Variants in TBC1D30 observed in about 807,000 individuals in gnomAD.
The protein encoded by TBC1D30 is TBC1 domain family member 30.
Under a neutral mutation model 63.2 loss-of-function variants are expected in TBC1D30, and 31 were observed. The ratio of observed to expected loss-of-function variants is 0.49; its 90% CI spans 0.37 to 0.66. The LOEUF (loss-of-function observed/expected upper bound fraction) is 0.66. Ranked by LOEUF, TBC1D30 falls within the 30% of genes least tolerant of loss-of-function variation. The pLI is 0.00. For missense variants in TBC1D30, 810 were observed against 953.6 expected (o/e 0.85, Z 1.98); for synonymous variants, 307 against 361.5 (o/e 0.85, Z 1.71).
At chr12:64,824,519 G>C (rs1036318827), upstream of TBC1D30, 2 of 219,904 alleles carry the variant, frequency 9.1e-6, no homozygotes, top group Non-Finnish European at 1.8e-5. Flanking sequence ...CTGGGCACGG[G>C]GGAGCTGGGG....
intron 1 of TBC1D30, among the ~76,000 whole-genome samples, chr12:64,770,883 T>G (rs1870884136): frequency 1.3e-5 from 2 of 151,600 alleles, no homozygotes; most frequent in South Asian, 4.2e-4. Flanking sequence ...TTTTTTTTTT[T>G]TTTGTATTTT....
chr12:64,764,209 G>A (rs903534426), intron 1 of TBC1D30, among the ~76,000 whole-genome samples: 1 of 152,118 alleles, frequency 6.6e-6, no homozygotes, highest in Non-Finnish European at 1.5e-5. Flanking sequence ...GTTTGGTTAT[G>A]TGTTTGACTT....
intron 4 of TBC1D30, among the ~76,000 whole-genome samples, 187 bp downstream of exon 4, chr12:64,830,689 T>A (rs1874777291): frequency 6.6e-6 from 1 of 152,218 alleles, no homozygotes; most frequent in Non-Finnish European, 1.5e-5. Flanking sequence ...TAAATTTAAA[T>A]GTTACCGGTA....
At position 64,830,363 on chromosome 12, in the gene TBC1D30, A is replaced by G. The variant is rs761457483; in HGVS notation, c.283-14A>G. 6.7e-5 allele frequency: 101 copies of G among 1,516,016 alleles called. No individual in the cohort carries two copies. The highest frequency in any genetic ancestry group is 8.3e-5 in the Non-Finnish European group (94 of 1,131,716). The allele number at this position is 1,516,016 out of a possible 1,614,324, so 93.9% of individuals were successfully genotyped here. ...TCTACTTTGGCATTCTCCTTTGTCT[A>G]TGTAATATTTTAGGTTTGGTTGACC... On this transcript the variant is annotated splice_polypyrimidine_tract_variant and intron_variant, in intron 3 of 11. Transcript: ENST00000539867.
intron 1 of TBC1D30, among the ~76,000 whole-genome samples, chr12:64,773,428 C>T (rs944074465): frequency 6.6e-6 from 1 of 151,538 alleles, no homozygotes; most frequent in East Asian, 1.9e-4. Context: ...TTGAAGAGCC[C>T]AAGCCAACTG....
At chr12:64,856,918 T>G (rs1312059864) in intron 8 of TBC1D30, among the ~76,000 whole-genome samples, 2 of 152,036 alleles carry the variant, frequency 1.3e-5, no homozygotes, top group African/African-American at 2.4e-5. Context: ...TACCAATGTT[T>G]GCTTAAAGCC....
intron 8 of TBC1D30, among the ~76,000 whole-genome samples, chr12:64,856,092 C>A (rs1417123608): frequency 6.8e-6 from 1 of 146,534 alleles, no homozygotes; most frequent in Admixed American, 7.0e-5. Flanking sequence ...GCCCAGGGAG[C>A]TTTTAATCAT....
intron 1 of TBC1D30, among the ~76,000 whole-genome samples, chr12:64,783,125 T>A (rs1291739553): frequency 1.3e-5 from 2 of 152,214 alleles, no homozygotes; most frequent in Non-Finnish European, 2.9e-5. Context: ...TATTGTCTCC[T>A]CTCCCTGCCA....
chr12:64,840,004 CAAAAAAAAAAA>C, intron 7 of TBC1D30, among the ~76,000 whole-genome samples: 1 of 98,346 alleles, frequency 1.0e-5, no homozygotes, highest in East Asian at 2.7e-4. Context: ...GACTCTGTCT[CAAAAAAAAAAA>C]AAAAAAAAAA....
intron 8 of TBC1D30, among the ~76,000 whole-genome samples, chr12:64,863,415 A>G (rs1196181881): frequency 6.6e-6 from 1 of 152,186 alleles, no homozygotes; most frequent in Non-Finnish European, 1.5e-5. Flanking sequence ...GGCACAGTTT[A>G]TTGTTAGTAA....
At chr12:64,767,444 A>G (rs1435032276) in intron 1 of TBC1D30, among the ~76,000 whole-genome samples, 2 of 152,172 alleles carry the variant, frequency 1.3e-5, no homozygotes, top group African/African-American at 4.8e-5. Flanking sequence ...TTTGCTAGAC[A>G]AAATCAATAT....
intron 8 of TBC1D30, among the ~76,000 whole-genome samples, chr12:64,845,756 T>G (rs1337420938): frequency 2.7e-5 from 4 of 149,848 alleles, no homozygotes; most frequent in Admixed American, 6.6e-5. Flanking sequence ...CGCTCCTGGG[T>G]TCAAGCGATT....
chr12:64,832,053 A>G (rs1450047945), intron 4 of TBC1D30, 66 bp from the exon 5 acceptor site: 3 of 1,387,354 alleles, frequency 2.2e-6, no homozygotes, highest in East Asian at 5.1e-5. Flanking sequence ...AGTCAAAAAA[A>G]AAAGGTATTG....
chr12:64,786,642 A>G (rs1337252803), intron 2 of TBC1D30, among the ~76,000 whole-genome samples: 1 of 151,986 alleles, frequency 6.6e-6, no homozygotes, highest in Non-Finnish European at 1.5e-5. Flanking sequence ...CGCCTGGACA[A>G]ATTTTTATTT....
At position 64,795,936 on chromosome 12, in the gene TBC1D30, C is replaced by T. The variant is rs116178330; in HGVS notation, c.643+9891C>T. ...AGATTTGCCTTAAATTTGGAATTTG[C>T]CTGCAAAATTGTGAATTTAATTACA... On this transcript the variant is annotated intron_variant, in intron 2 of 12. Coordinates refer to the TBC1D30 transcript ENST00000542120. 4.5e-3 allele frequency among the ~76,000 whole-genome samples: 685 copies of T among 151,580 alleles called. 9 individuals carry two copies. The highest frequency in any genetic ancestry group is 0.015 in the African/African-American group (635 of 41,304).
chr12:64,829,027 G>T (rs1874610301), intron 3 of TBC1D30, among the ~76,000 whole-genome samples: 1 of 151,952 alleles, frequency 6.6e-6, no homozygotes, highest in Admixed American at 6.6e-5. Context: ...GGGTGGGGCG[G>T]GGCTGGGGCA....
At chr12:64,814,390 C>G (rs1479432920) in intron 2 of TBC1D30, among the ~76,000 whole-genome samples, 1 of 151,934 alleles carries the variant, frequency 6.6e-6, no homozygotes, top group Non-Finnish European at 1.5e-5. Flanking sequence ...GGATCCCAAT[C>G]TGATATTCTT....
chr12:64,780,294 T>A (rs758150966), upstream of TBC1D30, among the ~76,000 whole-genome samples: 2 of 152,200 alleles, frequency 1.3e-5, no homozygotes, highest in Non-Finnish European at 2.9e-5. Context: ...AGGGCTGGTA[T>A]TGTGTTCCGA....
intron 2 of TBC1D30, chr12:64,818,341 G>A (rs1873678298): frequency 1.1e-6 from 1 of 923,908 alleles, no homozygotes; most frequent in African/African-American, 1.8e-5. Context: ...TTAAGATGTA[G>A]CAAGAATGGT....
Sources: gnomAD v4.1 joint callset for allele counts (sites outside exome capture counted in the v4.1 genomes callset) on GRCh38, gnomAD v4.1.1 for gene constraint, MANE v1.5 for transcripts, NCBI Gene and HGNC (gene_info 2026-07-23, HGNC 2026-07-21) for gene names.